Variants in ATRX observed in about 807,000 individuals in gnomAD.
ATRX encodes ATRX chromatin remodeler.
ATRX carries 12 observed loss-of-function variants against 172.6 expected under a neutral mutation model. That is an observed-to-expected ratio of 0.07 (90% CI 0.04 to 0.11). The LOEUF (loss-of-function observed/expected upper bound fraction) is 0.11, where lower values mean the gene tolerates loss of function less well. ATRX is among the 10% of genes least tolerant of loss of function. ATRX has a pLI of 1.00. For missense variants in ATRX, 1,368 were observed against 1,767.4 expected (o/e 0.77, Z 4.05); for synonymous variants, 674 against 594.7 (o/e 1.13, Z -1.94).
At chrX:77,703,530 A>T (rs1293798150) in intron 2 of ATRX, among the ~76,000 whole-genome samples, 2 of 112,540 alleles carry the variant, frequency 1.8e-5, no homozygotes, top group African/African-American at 6.5e-5. Context: ...TGGAGACACC[A>T]GGAACCGCAG....
chrX:77,553,600 T>C (rs782008485), intron 30 of ATRX, among the ~76,000 whole-genome samples: 77 of 111,836 alleles, frequency 6.9e-4, no homozygotes, highest in Middle Eastern at 4.6e-3. Context: ...TATACTCTTA[T>C]TTATTTTTAA....
chrX:77,698,443 C>A (rs182047480), intron 3 of ATRX, 131 bp downstream of exon 3: 1 of 524,670 alleles, frequency 1.9e-6, no homozygotes, highest in African/African-American at 2.4e-5. Flanking sequence ...TGGAAAACAA[C>A]GAAACTGAAG....
intron 1 of ATRX, among the ~76,000 whole-genome samples, chrX:77,766,710 G>A (rs1413164419): frequency 1.9e-5 from 2 of 103,067 alleles, no homozygotes; most frequent in Non-Finnish European, 4.0e-5. Flanking sequence ...GATGGCGGCC[G>A]GGCAGAGACG....
At chrX:77,744,245 A>T (rs2074983384) in intron 1 of ATRX, among the ~76,000 whole-genome samples, 1 of 112,326 alleles carries the variant, frequency 8.9e-6, no homozygotes, top group Admixed American at 9.4e-5. Context: ...TATGCCCAGG[A>T]CTTTGAGGCT....
intron 22 of ATRX, 91 bp from the exon 23 acceptor site, chrX:77,600,655 A>T (rs2148160672): frequency 2.0e-6 from 2 of 1,013,813 alleles, no homozygotes; most frequent in South Asian, 3.9e-5. Context: ...TGTGACATAA[A>T]CACTTTTGGC....
At chrX:77,644,496 T>C (rs1449890893) in intron 15 of ATRX, among the ~76,000 whole-genome samples, 9 of 111,680 alleles carry the variant, frequency 8.1e-5, no homozygotes, top group African/African-American at 2.9e-4. Context: ...CACGAGTTGA[T>C]GGGTGCAGCA....
intron 34 of ATRX, among the ~76,000 whole-genome samples, chrX:77,518,325 A>G (rs782323189): frequency 5.5e-4 from 62 of 112,457 alleles, no homozygotes; most frequent in African/African-American, 1.8e-3. Context: ...GTAAAGTGGC[A>G]GCATACAAAA....
chrX:77,719,096 G>A (rs2073605480), intron 1 of ATRX, among the ~76,000 whole-genome samples: 1 of 111,120 alleles, frequency 9.0e-6, no homozygotes, highest in Non-Finnish European at 1.9e-5. Flanking sequence ...ACCATGCCCA[G>A]CCCCATTTTT....
chrX:77,509,539 A>C (rs1296145110), intron 34 of ATRX, among the ~76,000 whole-genome samples: 1 of 112,132 alleles, frequency 8.9e-6, no homozygotes, highest in African/African-American at 3.2e-5. Context: ...GGGGTAGGAA[A>C]GACAGTCTTG....
chrX:77,658,054 T>A (rs1403889606), intron 12 of ATRX, among the ~76,000 whole-genome samples: 2 of 109,614 alleles, frequency 1.8e-5, no homozygotes, highest in East Asian at 2.9e-4. Context: ...ACAAAAAAAA[T>A]TTAAAAATTA....
rs1309811662 is a variant in ATRX, at chrX:77,729,441, T to C, written c.21-12198A>G. 2.6e-4 allele frequency among the ~76,000 whole-genome samples: 29 copies of C among 112,341 alleles called. No homozygotes were observed. The Admixed American group carries it at 2.7e-3, about 11-fold the overall frequency. ...ACCTTTTTGGTACATAATACACTCATTGCTTTCATGCAGGAAAAGTTTTAT... is the reference window on the plus strand; with the variant it reads ...ACCTTTTTGGTACATAATACACTCACTGCTTTCATGCAGGAAAAGTTTTAT... On this transcript the variant is annotated intron_variant, in intron 1 of 34. Coordinates refer to ENST00000373344, the MANE Select transcript of ATRX (RefSeq NM_000489.6).
intron 34 of ATRX, among the ~76,000 whole-genome samples, chrX:77,518,052 C>T (rs1396700090): frequency 2.7e-5 from 3 of 112,048 alleles, no homozygotes; most frequent in African/African-American, 9.7e-5. Context: ...GACAGACTCA[C>T]AGCCAGTATC....
chrX:77,645,702 C>T (rs1258020311), intron 15 of ATRX, among the ~76,000 whole-genome samples: 1 of 112,118 alleles, frequency 8.9e-6, no homozygotes, highest in Non-Finnish European at 1.9e-5. Flanking sequence ...TCACTTTTTA[C>T]TTTCTTTAGG....
At chrX:77,723,598 G>A (rs969393267) in intron 1 of ATRX, among the ~76,000 whole-genome samples, 13 of 111,312 alleles carry the variant, frequency 1.2e-4, no homozygotes, top group Non-Finnish European at 2.3e-4. Flanking sequence ...CATTCTTTCA[G>A]ATAAGAGTCA....
chrX:77,595,006 T>C (rs2066423326), intron 25 of ATRX: 1 of 112,075 alleles, frequency 8.9e-6, no homozygotes, highest in African/African-American at 3.2e-5. Context: ...TTGGCTAATA[T>C]GAAATAACTG....
chrX:77,552,025 C>T (rs1404828428), intron 30 of ATRX, among the ~76,000 whole-genome samples: 2 of 111,605 alleles, frequency 1.8e-5, no homozygotes, highest in Admixed American at 1.9e-4. Context: ...GTTGGTGGGA[C>T]TGTAAACTAG....
intron 1 of ATRX, among the ~76,000 whole-genome samples, chrX:77,780,511 G>C (rs782756249): frequency 9.2e-6 from 1 of 109,081 alleles, no homozygotes; most frequent in South Asian, 4.1e-4. Flanking sequence ...TGTATTTTTA[G>C]TAGAGATGGG....
chrX:77,745,378 C>T (rs1421144815), intron 1 of ATRX, among the ~76,000 whole-genome samples: 2 of 110,803 alleles, frequency 1.8e-5, no homozygotes, highest in African/African-American at 6.6e-5. Flanking sequence ...AAATGTGTTA[C>T]ACATACACAA....
Position 77,682,103 on chromosome X carries a change from A to C in ATRX, c.3153T>G (p.Asp1051Glu), listed in dbSNP as rs1453641319. ...ATTCATCCTTCTTTTTAGAAGTTTT[A>C]TCTCTTATTTTTTTACTTTTCTTTT... ...DGEKKSKKIR[D>E]KTSKKKDELS... Residue 1051 changes from aspartate (D) to glutamate (E), a missense_variant, in exon 9 of 35, where the codon GAT becomes GAG. By Grantham distance (45) the Asp-to-Glu change is conservative (BLOSUM62 2). Coordinates refer to ENST00000373344, the MANE Select transcript of ATRX (RefSeq NM_000489.6). The C allele has an allele frequency of 5.0e-6, 6 of 1,207,477 alleles. No homozygotes were observed. Among genetic ancestry groups the C allele is most frequent in the Non-Finnish European group, 6.7e-6 (6 of 893,443 alleles).
Sources: gnomAD v4.1 joint callset for allele counts (sites outside exome capture counted in the v4.1 genomes callset) on GRCh38, gnomAD v4.1.1 for gene constraint, MANE v1.5 for transcripts, NCBI Gene and HGNC (gene_info 2026-07-23, HGNC 2026-07-21) for gene names.